The following RPS6KC1 variants were observed in gnomAD, a reference collection of about 807,000 sequenced individuals.
The protein encoded by RPS6KC1 is ribosomal protein S6 kinase C1.
RPS6KC1 carries 54 observed loss-of-function variants against 103.8 expected under a neutral mutation model. That is an observed-to-expected ratio of 0.52 (90% CI 0.42 to 0.65). RPS6KC1 has a LOEUF of 0.65. Among genes scored for constraint, RPS6KC1 ranks in the 30% least tolerant of loss-of-function variants. The probability of loss-of-function intolerance (pLI) is 0.00; values close to 1 mark genes in which losing one functional copy is unlikely to be tolerated. For missense variants in RPS6KC1, 1,151 were observed against 1,253.8 expected (o/e 0.92, Z 1.24); for synonymous variants, 439 against 438.7 (o/e 1.00, Z -0.01).
the RPS6KC1 span, among the ~76,000 whole-genome samples, chr1:213,761,713 TC>T: frequency 6.6e-6 from 1 of 152,166 alleles, no homozygotes; most frequent in Non-Finnish European, 1.5e-5. Context: ...GTTCCTGGGT[TC>T]TTCAAACGAG....
In RPS6KC1 at chr1:213,242,303, G is replaced by A. The variant is rs1361154274; in HGVS notation, c.2821+6G>A. On this transcript the variant is annotated splice_donor_region_variant and intron_variant, in intron 11 of 14. Transcript: ENST00000366960. ...CATCTTATTGAATGATAGAGGTCAG[G>A]AACTTTTGCAAATGCATTTCTTTTT... 1 of 1,613,258 alleles carries A rather than the reference G, an allele frequency of 6.2e-7. No homozygotes were observed. The highest frequency in any genetic ancestry group is 2.2e-5 in the East Asian group (1 of 44,868).
chr1:213,104,139 T>TC (rs908376531), intron 3 of RPS6KC1, among the ~76,000 whole-genome samples: 21 of 152,372 alleles, frequency 1.4e-4, no homozygotes, highest in Admixed American at 4.6e-4. Flanking sequence ...TTTAAAATTC[T>TC]CTTTTCATCT....
At chr1:213,642,248 C>A in the RPS6KC1 span, among the ~76,000 whole-genome samples, 1 of 152,130 alleles carries the variant, frequency 6.6e-6, no homozygotes, top group Non-Finnish European at 1.5e-5. Context: ...CCTGGTCCAC[C>A]TACTGCTGTT....
the RPS6KC1 span, among the ~76,000 whole-genome samples, chr1:213,280,402 G>T: frequency 6.6e-6 from 1 of 152,162 alleles, no homozygotes; most frequent in African/African-American, 2.4e-5. Context: ...ATAGTGTTGG[G>T]TTTTCTGCTG....
the RPS6KC1 span, among the ~76,000 whole-genome samples, chr1:213,436,417 G>T: frequency 6.6e-6 from 1 of 152,140 alleles, no homozygotes; most frequent in Admixed American, 6.5e-5. Flanking sequence ...TGGGTCTATT[G>T]TTCTGTATAG....
At chr1:213,398,759 C>G in the RPS6KC1 span, among the ~76,000 whole-genome samples, 1 of 151,864 alleles carries the variant, frequency 6.6e-6, no homozygotes, top group South Asian at 2.1e-4. Context: ...TTTTTTTCAC[C>G]TATATTTTCT....
At chr1:213,374,894 A>C in the RPS6KC1 span, among the ~76,000 whole-genome samples, 1 of 152,164 alleles carries the variant, frequency 6.6e-6, no homozygotes, top group African/African-American at 2.4e-5. Flanking sequence ...TGTGATGGGG[A>C]GGGAAAATTT....
chr1:213,125,191 T>A lies in RPS6KC1; in HGVS notation c.473-4336T>A, dbSNP rs2084832270. On this transcript the variant is annotated intron_variant, in intron 5 of 14. Transcript: ENST00000366960. ...AATCTTACCATACACAGAAAATCAC[T>A]GTTAATAGTGTATGTTTCTAGCCTT... is the stretch of plus-strand genomic sequence containing the variant. Among the ~76,000 whole-genome samples the A allele has an allele frequency of 2.6e-5, 4 of 152,232 alleles. No homozygotes were observed. The South Asian group carries it at 8.3e-4, about 32-fold the overall frequency.
chr1:213,060,018 A>G (rs1474240459), intron 1 of RPS6KC1, among the ~76,000 whole-genome samples: 1 of 152,050 alleles, frequency 6.6e-6, no homozygotes, highest in South Asian at 2.1e-4. Flanking sequence ...GGGTTTTGCC[A>G]TGTTGGCCAG....
At chr1:213,279,670 A>G (rs2095118869), downstream of RPS6KC1, among the ~76,000 whole-genome samples, 1 of 152,206 alleles carries the variant, frequency 6.6e-6, no homozygotes, top group African/African-American at 2.4e-5. Context: ...GACCTCTGAC[A>G]TACATTTAGC....
chr1:213,545,187 GA>G, the RPS6KC1 span, among the ~76,000 whole-genome samples: 1 of 152,018 alleles, frequency 6.6e-6, no homozygotes, highest in South Asian at 2.1e-4. Flanking sequence ...CCATCATGGC[GA>G]AAACCCAGCT....
chr1:213,409,995 C>T, the RPS6KC1 span, among the ~76,000 whole-genome samples: 1,581 of 152,210 alleles, frequency 0.01, 15 homozygotes, highest in Non-Finnish European at 0.017. Flanking sequence ...AGAGCCCCGT[C>T]TCTAAAAAGA....
intron 12 of RPS6KC1, among the ~76,000 whole-genome samples, chr1:213,245,799 T>G (rs2094445179): frequency 6.6e-6 from 1 of 152,122 alleles, no homozygotes; most frequent in Admixed American, 6.6e-5. Flanking sequence ...CATGTTTTGG[T>G]CTAATTGAGG....
chr1:213,294,472 T>A, the RPS6KC1 span, among the ~76,000 whole-genome samples: 1 of 152,180 alleles, frequency 6.6e-6, no homozygotes. Context: ...TCCTATTGGA[T>A]GTGCTGGTGA....
At chr1:213,159,476 CAACA>C (rs1204162670) in intron 6 of RPS6KC1, among the ~76,000 whole-genome samples, 1 of 152,156 alleles carries the variant, frequency 6.6e-6, no homozygotes, top group Non-Finnish European at 1.5e-5. Flanking sequence ...TTGCACGTTG[CAACA>C]AACACATCAT....
Position 213,137,635 on chromosome 1 carries a change from A to AGCC in RPS6KC1, c.835+7747_835+7749dup, listed in dbSNP as rs2086442199. 2.0e-5 allele frequency among the ~76,000 whole-genome samples: 3 copies of AGCC among 151,450 alleles called. No individual in the cohort carries two copies. In the East Asian group the frequency reaches 5.8e-4, roughly 29 times the overall value. ...GGCGTGAGCCACCGTGCCTTGCCAA[A>AGCC]GCCTGTCCTTTAACTATCAGATGCC... On this transcript the variant is annotated intron_variant, in intron 6 of 14. Coordinates refer to ENST00000366960, the MANE Select transcript of RPS6KC1 (RefSeq NM_012424.6).
the RPS6KC1 span, among the ~76,000 whole-genome samples, chr1:213,622,720 G>C: frequency 1.3e-5 from 2 of 152,118 alleles, no homozygotes; most frequent in Non-Finnish European, 2.9e-5. Context: ...TAGAAGGGAC[G>C]GGGCTGGGAA....
chr1:213,655,744 A>AAT, the RPS6KC1 span, among the ~76,000 whole-genome samples: 3 of 152,114 alleles, frequency 2.0e-5, no homozygotes, highest in South Asian at 2.1e-4. Context: ...TCAAAATAAA[A>AAT]ATATATATAT....
chr1:213,479,441 T>C, the RPS6KC1 span, among the ~76,000 whole-genome samples: 1 of 152,072 alleles, frequency 6.6e-6, no homozygotes, highest in Non-Finnish European at 1.5e-5. Context: ...TGGCATCTTG[T>C]TGTGTTTTCG....
Sources: gnomAD v4.1 joint callset for allele counts (sites outside exome capture counted in the v4.1 genomes callset) on GRCh38, gnomAD v4.1.1 for gene constraint, MANE v1.5 for transcripts, NCBI Gene and HGNC (gene_info 2026-07-23, HGNC 2026-07-21) for gene names.